Variants in PPP2R3B observed in about 807,000 individuals in gnomAD.
The protein encoded by PPP2R3B is protein phosphatase 2 regulatory subunit B''beta, also known as serine/threonine-protein phosphatase 2A regulatory subunit B'' subunit beta.
In PPP2R3B, 68 loss-of-function variants were observed where a neutral mutation model predicts 72.9. That is an observed-to-expected ratio of 0.93 (90% CI 0.77 to 1.14). PPP2R3B has a LOEUF of 1.14. Ranked by LOEUF, PPP2R3B falls within the 50% of genes most tolerant of loss-of-function variation. The pLI is 0.00. For missense variants in PPP2R3B, 1,018 were observed against 842.0 expected (o/e 1.21, Z -2.59); for synonymous variants, 466 against 375.8 (o/e 1.24, Z -2.78).
intron 7 of PPP2R3B, chrX:345,297 C>A (rs1265101015): frequency 1.4e-6 from 1 of 733,132 alleles, no homozygotes; most frequent in East Asian, 2.7e-5. Flanking sequence ...CGCCCCCAGG[C>A]AGAGGCCTCG....
intron 1 of PPP2R3B, among the ~76,000 whole-genome samples, chrX:371,140 G>C (rs983387032): frequency 1.3e-5 from 2 of 152,122 alleles, no homozygotes; most frequent in African/African-American, 4.8e-5. Context: ...TCCCTGGGCA[G>C]GAGGCGCAGG....
intron 1 of PPP2R3B, among the ~76,000 whole-genome samples, chrX:363,484 C>T (rs968420495): frequency 1.0e-4 from 15 of 149,886 alleles, no homozygotes; most frequent in South Asian, 4.2e-4. Flanking sequence ...TCTCCCCGAG[C>T]CCAGCATCCC....
intron 6 of PPP2R3B, 81 bp downstream of exon 6, chrX:346,093 G>GGGGGGGA (rs2071203056): frequency 1.5e-5 from 9 of 602,554 alleles, no homozygotes; most frequent in African/African-American, 4.3e-5. Context: ...AGGAGGGAGG[G>GGGGGGGA]GGGAGGAGGG....
chrX:344,788 G>A (rs923516149), intron 7 of PPP2R3B: 82 of 275,652 alleles, frequency 3.0e-4, no homozygotes, highest in Middle Eastern at 1.4e-3. Context: ...GATCTACTGC[G>A]GCCACGCGAC....
At chrX:376,673 A>G (rs59549597) in intron 1 of PPP2R3B, among the ~76,000 whole-genome samples, 21 of 54,550 alleles carry the variant, frequency 3.8e-4, no homozygotes, top group East Asian at 5.5e-4. Context: ...CAGTGGGGCC[A>G]CCATGGGGCT....
In PPP2R3B at chrX:344,212, C is replaced by T. The variant is rs767251444; in HGVS notation, c.1036+1304G>A. 8.2e-5 allele frequency among the ~76,000 whole-genome samples: 8 copies of T among 97,174 alleles called. 1 individual carries two copies. The highest frequency in any genetic ancestry group is 2.6e-4 in the African/African-American group (8 of 30,602). The allele number at this position is 97,174 out of a possible 152,430, so 63.7% of individuals were successfully genotyped here. A position where few individuals can be genotyped will look rare whatever the true frequency, so the allele number is the denominator to read the frequency against. On this transcript the variant is annotated intron_variant, in intron 7 of 12. Coordinates refer to ENST00000390665, the MANE Select transcript of PPP2R3B (RefSeq NM_013239.5). ...GGAGTGAGACCTCAGCAACGGGAGG[C>T]GGGATTGAGACCTCACCAACGGGAG... is the stretch of plus-strand genomic sequence containing the variant.
chrX:341,857 C>A (rs746345214), intron 8 of PPP2R3B, 26 bp downstream of exon 8: 4 of 1,611,992 alleles, frequency 2.5e-6, no homozygotes, highest in South Asian at 1.1e-5. Flanking sequence ...GCAATGGCTG[C>A]CGTCAGGCGC....
intron 7 of PPP2R3B, chrX:344,881 G>A: frequency 1.2e-5 from 4 of 337,720 alleles, no homozygotes; most frequent in Non-Finnish European, 2.3e-5. Flanking sequence ...ACACACAACA[G>A]ATGCCACCGT....
chrX:383,837 C>CAAAAAAAAA (rs757960788), intron 1 of PPP2R3B, among the ~76,000 whole-genome samples: 24 of 45,600 alleles, frequency 5.3e-4, no homozygotes, highest in East Asian at 1.7e-3. Flanking sequence ...GACTCCGTCT[C>CAAAAAAAAA]AAAAAAAAAA....
At chrX:373,137 G>C (rs1410672494) in intron 1 of PPP2R3B, among the ~76,000 whole-genome samples, 4 of 152,158 alleles carry the variant, frequency 2.6e-5, no homozygotes, top group Admixed American at 2.6e-4. Flanking sequence ...TTTATTACCA[G>C]CAATGCAAGG....
At chrX:346,312 G>GC in intron 5 of PPP2R3B, 52 bp from the exon 6 acceptor site, 15 of 1,507,298 alleles carry the variant, frequency 1.0e-5, no homozygotes, top group Non-Finnish European at 1.3e-5. Context: ...CAGGAGCCTC[G>GC]CCCCGCACGG....
intron 2 of PPP2R3B, among the ~76,000 whole-genome samples, chrX:357,972 G>A (rs1299717322): frequency 1.3e-4 from 20 of 152,148 alleles, no homozygotes; most frequent in Admixed American, 1.3e-3. Flanking sequence ...ATCCACGGGG[G>A]GACCCCCCTC....
Position 347,275 on chromosome X carries a change from A to G in PPP2R3B, c.676T>C (p.Cys226Arg), listed in dbSNP as rs750172476. 3 of 1,613,794 alleles carry G rather than the reference A, an allele frequency of 1.9e-6. No homozygotes were observed. The stretch of plus-strand genomic sequence containing the variant: ...AAGTCCTCCTGCACCAGGTAGTTGC[A>G]GCCGGGGCTCATGAGCAGATGGACG... ...KFVHLLMSPG[C>R]NYLVQEDFVP... is the part of the protein sequence containing the mutation. Residue 226 changes from cysteine to arginine, a missense_variant, in exon 4 of 13, where the codon TGC becomes CGC. Physicochemically the swap from Cys to Arg is radical, Grantham distance 180. Transcript: ENST00000390665.
intron 2 of PPP2R3B, among the ~76,000 whole-genome samples, chrX:351,719 G>A (rs1469539120): frequency 5.0e-4 from 76 of 151,020 alleles, no homozygotes; most frequent in Non-Finnish European, 9.6e-4. Flanking sequence ...CTTGTTTTTC[G>A]AGACACGGTC....
At chrX:351,157 C>A (rs113236724) in intron 2 of PPP2R3B, among the ~76,000 whole-genome samples, 3,475 of 152,230 alleles carry the variant, frequency 0.023, 54 homozygotes, top group Non-Finnish European at 0.037. Flanking sequence ...CCCCGCAGGA[C>A]GCACAGGCAC....
At chrX:336,119 G>A (rs1474628252) in intron 12 of PPP2R3B, 1 of 152,210 alleles carries the variant, frequency 6.6e-6, no homozygotes, top group Middle Eastern at 3.2e-3. Flanking sequence ...AGTGAGCTGA[G>A]ATTGCGCCAA....
chrX:351,405 C>T (rs993142114), intron 2 of PPP2R3B, among the ~76,000 whole-genome samples: 1 of 152,214 alleles, frequency 6.6e-6, no homozygotes, highest in Non-Finnish European at 1.5e-5. Context: ...GTGCTCCTCA[C>T]CGCGTGCAAG....
intron 1 of PPP2R3B, among the ~76,000 whole-genome samples, chrX:366,717 A>G (rs1248965270): frequency 5.5e-5 from 5 of 90,812 alleles, no homozygotes; most frequent in African/African-American, 2.3e-4. Flanking sequence ...CAAACGATTA[A>G]CCAGGTGTGG....
chrX:384,282 C>CTCTATA (rs1323012218), intron 1 of PPP2R3B, among the ~76,000 whole-genome samples: 13 of 140,054 alleles, frequency 9.3e-5, no homozygotes, highest in African/African-American at 3.0e-4. Flanking sequence ...CTCTCTCTCT[C>CTCTATA]TATATATATA....
Sources: allele counts gnomAD v4.1 joint callset (sites outside exome capture counted in the v4.1 genomes callset), GRCh38; gene constraint gnomAD v4.1.1; transcripts MANE v1.5; gene names NCBI Gene and HGNC (gene_info 2026-07-23, HGNC 2026-07-21).